The following TCF12 variants were observed in gnomAD, a reference collection of about 807,000 sequenced individuals.
TCF12 encodes the protein DNA-binding protein HTF4.
A neutral mutation model predicts 86.0 loss-of-function variants in TCF12; 45 were observed. The ratio of observed to expected loss-of-function variants is 0.52; its 90% CI spans 0.41 to 0.67. The LOEUF is 0.67. TCF12 is among the 30% of genes least tolerant of loss of function. TCF12 has a pLI of 0.00. For synonymous variants in TCF12, 330 were observed against 299.6 expected (o/e 1.10, Z -1.05); for missense variants, 881 against 859.9 (o/e 1.02, Z -0.31).
intron 5 of TCF12, among the ~76,000 whole-genome samples, chr15:57,154,705 G>A (rs1235574949): frequency 3.3e-5 from 5 of 152,120 alleles, no homozygotes; most frequent in East Asian, 1.9e-4. Flanking sequence ...GAAGAGTGAC[G>A]CCGTTAAATT....
chr15:57,232,632 G>A, intron 10 of TCF12, 80 bp from the exon 11 acceptor site: 2 of 1,486,984 alleles, frequency 1.3e-6, no homozygotes, highest in South Asian at 2.7e-5. Context: ...TGCTCTTTTT[G>A]ACCTGTTATC....
At chr15:57,021,378 C>T (rs942862758) in intron 3 of TCF12, among the ~76,000 whole-genome samples, 2 of 152,120 alleles carry the variant, frequency 1.3e-5, no homozygotes, top group Non-Finnish European at 2.9e-5. Flanking sequence ...TGGCATCGGG[C>T]GCGGTGGCTC....
chr15:57,170,642 AATAT>A (rs1206155907), intron 6 of TCF12, among the ~76,000 whole-genome samples: 19 of 31,318 alleles, frequency 6.1e-4, no homozygotes, highest in Non-Finnish European at 8.3e-4. Flanking sequence ...ATATATATAT[AATAT>A]ATATATTATA....
intron 13 of TCF12, among the ~76,000 whole-genome samples, chr15:57,245,682 A>G (rs2059825628): frequency 6.6e-6 from 1 of 152,234 alleles, no homozygotes; most frequent in African/African-American, 2.4e-5. Flanking sequence ...TAGTGGTCAC[A>G]AGTAAAATCT....
intron 3 of TCF12, among the ~76,000 whole-genome samples, chr15:56,944,278 T>C (rs2060901986): frequency 6.6e-6 from 1 of 152,222 alleles, no homozygotes; most frequent in East Asian, 1.9e-4. Flanking sequence ...GAAAATACTT[T>C]GTAAAACCAC....
rs11336613 is a variant in TCF12, at chr15:57,104,861, G to GTTTTT, written c.325+12990_325+12994dup. Reference sequence around the variant, plus strand: ...ATCTATCTTGCTGGTCTTTGGTGGTGTTTTTTTTTTTTTTTTTTTTTTTTG... The same window carrying GTTTTT: ...ATCTATCTTGCTGGTCTTTGGTGGTGTTTTTTTTTTTTTTTTTTTTTTTTTTTTTG... On this transcript the variant is annotated intron_variant, in intron 5 of 20. Transcript: ENST00000333725. Among the ~76,000 whole-genome samples the GTTTTT allele has an allele frequency of 3.8e-3, 272 of 71,498 alleles. 17 individuals carry two copies. The highest frequency in any genetic ancestry group is 7.4e-3 in the African/African-American group (136 of 18,338). 46.9% of individuals were successfully genotyped at this position (71,498 alleles called of 152,430 possible). A position where few individuals can be genotyped will look rare whatever the true frequency, so the allele number is the denominator to read the frequency against.
At chr15:57,223,356 C>G (rs75916950) in intron 8 of TCF12, among the ~76,000 whole-genome samples, 3 of 152,020 alleles carry the variant, frequency 2.0e-5, no homozygotes, top group African/African-American at 7.2e-5. Context: ...TACATTGGAT[C>G]CAATGTGTAT....
chr15:57,253,341 C>T lies in TCF12; in HGVS notation c.1340C>T (p.Thr447Ile), dbSNP rs761560239. ...CGGAACCATGCTGTGGGACCTTCCA[C>T]CAGTTTGCCTGCTGGTCACAGTGAT... ...VLRNHAVGPS[T>I]SLPAGHSDIH... is the part of the protein sequence containing the mutation. Residue 447 changes from threonine to isoleucine, a missense_variant, in exon 16 of 21, where the codon ACC (threonine) becomes ATC (isoleucine). By Grantham distance (89) the Thr-to-Ile change is moderately conservative. Coordinates refer to ENST00000333725, the MANE Select transcript of TCF12 (RefSeq NM_207037.2). 1.2e-6 allele frequency: 2 copies of T among 1,613,940 alleles called. No individual in the cohort carries two copies. Among genetic ancestry groups the T allele is most frequent in the Admixed American group, 3.3e-5 (2 of 59,992 alleles).
chr15:56,932,494 G>T (rs1349397766), intron 3 of TCF12, among the ~76,000 whole-genome samples: 3 of 151,752 alleles, frequency 2.0e-5, no homozygotes, highest in African/African-American at 7.3e-5. Context: ...GTGACAAGAA[G>T]AAAAAAAGAA....
At chr15:57,063,845 T>TTAAA (rs760965345) in intron 4 of TCF12, 22 bp downstream of exon 4, 1 of 1,539,724 alleles carries the variant, frequency 6.5e-7, no homozygotes, top group African/African-American at 1.4e-5. Context: ...GATCAACCCT[T>TTAAA]GATTAAAGCT....
Position 57,063,337 on chromosome 15 carries a change from ATTGT to A in TCF12, c.149-408_149-405del, listed in dbSNP as rs780291807. Among the ~76,000 whole-genome samples the A allele has an allele frequency of 8.5e-5, 13 of 152,254 alleles. No homozygotes were observed. The East Asian group carries it at 1.4e-3, about 16-fold the overall frequency. ...GAAACCAACTTTATTAAATTGAATG[ATTGT>A]TTGTCTTGCTTCATTTTCTAGGGCT... On this transcript the variant is annotated intron_variant, in intron 3 of 20. Transcript: ENST00000333725.
intron 6 of TCF12, among the ~76,000 whole-genome samples, chr15:57,171,633 G>A (rs1243569894): frequency 6.6e-6 from 1 of 152,156 alleles, no homozygotes; most frequent in African/African-American, 2.4e-5. Flanking sequence ...TTCATGTTAA[G>A]ATGATGTAAT....
At chr15:57,144,156 G>C (rs920977946) in intron 5 of TCF12, among the ~76,000 whole-genome samples, 2 of 152,202 alleles carry the variant, frequency 1.3e-5, no homozygotes, top group East Asian at 3.8e-4. Flanking sequence ...ATAGATGGGA[G>C]CAAAGAGAAA....
At chr15:57,009,443 T>G (rs540031459) in intron 3 of TCF12, among the ~76,000 whole-genome samples, 1 of 152,274 alleles carries the variant, frequency 6.6e-6, no homozygotes, top group East Asian at 1.9e-4. Flanking sequence ...ATGAACTAGG[T>G]GGCTTTTAAA....
chr15:57,000,602 G>A (rs1010639880), intron 3 of TCF12, among the ~76,000 whole-genome samples: 4 of 152,050 alleles, frequency 2.6e-5, no homozygotes, highest in Non-Finnish European at 5.9e-5. Flanking sequence ...ATTAAATCCA[G>A]TATAAGCAAA....
chr15:57,111,113 C>T (rs2050460189), intron 5 of TCF12, among the ~76,000 whole-genome samples: 1 of 152,014 alleles, frequency 6.6e-6, no homozygotes, highest in South Asian at 2.1e-4. Context: ...TGTGATCATA[C>T]TCTGTTCTAG....
intron 6 of TCF12, among the ~76,000 whole-genome samples, chr15:57,190,877 T>C (rs1203812866): frequency 6.6e-6 from 1 of 152,110 alleles, no homozygotes; most frequent in South Asian, 2.1e-4. Context: ...AGATTAAGAA[T>C]CTGAAAAAGA....
intron 8 of TCF12, among the ~76,000 whole-genome samples, chr15:57,211,496 C>T (rs554352924): frequency 1.5e-4 from 23 of 152,184 alleles, no homozygotes; most frequent in Admixed American, 6.5e-5. Context: ...CTTTTAGATA[C>T]TTCATTTGCT....
chr15:57,232,706 A>G lies in TCF12; in HGVS notation c.826-6A>G. 6.2e-7 allele frequency: 1 copy of G among 1,609,520 alleles called. No individual in the cohort carries two copies. The highest frequency in any genetic ancestry group is 8.5e-7 in the Non-Finnish European group (1 of 1,178,114). On this transcript the variant is annotated splice_polypyrimidine_tract_variant and splice_region_variant and intron_variant, in intron 10 of 20. Transcript: ENST00000333725. Reference sequence around the variant, plus strand: ...TATTTAATAGATCATATCTCTTTCCATCTAGAGTTATCCTCCACACTCAGT... The same window carrying G: ...TATTTAATAGATCATATCTCTTTCCGTCTAGAGTTATCCTCCACACTCAGT...
Sources: gnomAD v4.1 joint callset for allele counts (sites outside exome capture counted in the v4.1 genomes callset) on GRCh38, gnomAD v4.1.1 for gene constraint, MANE v1.5 for transcripts, NCBI Gene and HGNC (gene_info 2026-07-23, HGNC 2026-07-21) for gene names.